The following CNBD1 variants were observed in gnomAD, a reference collection of about 807,000 sequenced individuals.
The protein encoded by CNBD1 is cyclic nucleotide-binding domain-containing protein 1.
CNBD1 carries 71 observed loss-of-function variants against 54.4 expected under a neutral mutation model. The ratio of observed to expected loss-of-function variants is 1.30; its 90% confidence interval spans 1.08 to 1.59. CNBD1 has a LOEUF of 1.59. Among genes scored for constraint, CNBD1 ranks in the 40% most tolerant of loss-of-function variants. The pLI, the probability that CNBD1 is intolerant of heterozygous loss-of-function variation, is 0.00. For missense variants in CNBD1, 659 were observed against 518.0 expected (o/e 1.27, Z -2.64); for synonymous variants, 182 against 170.7 (o/e 1.07, Z -0.51).
chr8:87,402,919 C>T (rs1357254527), intron 2 of CNBD1, among the ~76,000 whole-genome samples: 1 of 152,028 alleles, frequency 6.6e-6, no homozygotes, highest in Non-Finnish European at 1.5e-5. Context: ...GCTGTACAAG[C>T]ACACAAGCAT....
intron 8 of CNBD1, among the ~76,000 whole-genome samples, chr8:87,328,809 G>A (rs972531141): frequency 2.0e-5 from 3 of 151,922 alleles, no homozygotes; most frequent in Non-Finnish European, 4.4e-5. Context: ...CAGTGTGCAA[G>A]CCTTTCACTT....
intron 4 of CNBD1, among the ~76,000 whole-genome samples, chr8:86,949,398 C>T (rs1235738164): frequency 6.6e-6 from 1 of 152,028 alleles, no homozygotes; most frequent in African/African-American, 2.4e-5. Context: ...AATATCTTTC[C>T]ATTTTTGGTG....
chr8:87,308,843 A>T (rs1364923636), intron 8 of CNBD1, among the ~76,000 whole-genome samples: 1 of 152,080 alleles, frequency 6.6e-6, no homozygotes, highest in Non-Finnish European at 1.5e-5. Flanking sequence ...CATGCAATAT[A>T]TGTCTTTATG....
intron 4 of CNBD1, among the ~76,000 whole-genome samples, chr8:87,011,252 G>A (rs543834476): frequency 6.8e-6 from 1 of 147,734 alleles, no homozygotes; most frequent in African/African-American, 2.5e-5. Flanking sequence ...AGAATTCTCT[G>A]CTTAGATTGT....
rs182870647 is a variant in CNBD1 at position 87,302,352 on chromosome 8, G to A, written c.1042+15681G>A. ...GTTCAACATATGCAAATCAATGAAC[G>A]TAATCCAGCATAGAAACAGAACCAA... is the stretch of plus-strand genomic sequence containing the variant. On this transcript the variant is annotated intron_variant, in intron 8 of 10. Transcript: ENST00000518476. Among the ~76,000 whole-genome samples, 1,081 of 152,186 alleles carry A rather than the reference G, an allele frequency of 7.1e-3. 14 individuals carry two copies. Among genetic ancestry groups the A allele is most frequent in the African/African-American group, 0.024 (1,017 of 41,522 alleles).
intron 2 of CNBD1, among the ~76,000 whole-genome samples, chr8:86,889,611 G>A (rs1182413479): frequency 6.6e-6 from 1 of 152,202 alleles, no homozygotes; most frequent in Admixed American, 6.5e-5. Context: ...AATAAAGGCA[G>A]TAGGTTGGTA....
chr8:87,105,598 A>T (rs1017471185), intron 4 of CNBD1, among the ~76,000 whole-genome samples: 5 of 152,164 alleles, frequency 3.3e-5, no homozygotes, highest in African/African-American at 1.2e-4. Flanking sequence ...CCTGGAAAAG[A>T]CGTGGGCTTT....
chr8:87,420,621 C>A (rs1361571250), intron 2 of CNBD1, among the ~76,000 whole-genome samples: 1 of 152,080 alleles, frequency 6.6e-6, no homozygotes, highest in Non-Finnish European at 1.5e-5. Flanking sequence ...CAAATAAAAT[C>A]TACCTACTTA....
chr8:86,889,769 T>C (rs1000454080), intron 2 of CNBD1, among the ~76,000 whole-genome samples: 3 of 152,132 alleles, frequency 2.0e-5, no homozygotes, highest in African/African-American at 7.2e-5. Flanking sequence ...TTTTATTTAT[T>C]TTAGTGCTTC....
chr8:87,353,250 G>T (rs908319517), intron 9 of CNBD1, among the ~76,000 whole-genome samples: 2 of 152,012 alleles, frequency 1.3e-5, no homozygotes, highest in African/African-American at 4.8e-5. Context: ...CTTCCCTGTG[G>T]GTTCAACAAG....
intron 4 of CNBD1, among the ~76,000 whole-genome samples, chr8:87,162,099 G>A (rs916327192): frequency 1.8e-4 from 27 of 152,018 alleles, no homozygotes; most frequent in African/African-American, 6.5e-4. Context: ...CACATGCAAA[G>A]TCTTTCTAAA....
chr8:87,358,501 C>A (rs1426580905), intron 10 of CNBD1, among the ~76,000 whole-genome samples: 4 of 151,754 alleles, frequency 2.6e-5, no homozygotes, highest in Admixed American at 1.3e-4. Context: ...TGGTGCAAGG[C>A]AAATACACTG....
intron 2 of CNBD1, among the ~76,000 whole-genome samples, chr8:86,899,752 C>T (rs1808904656): frequency 6.6e-6 from 1 of 152,096 alleles, no homozygotes; most frequent in Admixed American, 6.6e-5. Flanking sequence ...GTAATAGTAA[C>T]ATGTGGCCTA....
chr8:87,282,303 G>T (rs1441487652), intron 6 of CNBD1, among the ~76,000 whole-genome samples: 1 of 151,340 alleles, frequency 6.6e-6, no homozygotes, highest in Admixed American at 6.6e-5. Flanking sequence ...TACCATATTA[G>T]TCATTCTAAA....
intron 4 of CNBD1, among the ~76,000 whole-genome samples, chr8:87,006,719 G>A (rs1051808938): frequency 2.0e-5 from 3 of 152,166 alleles, no homozygotes; most frequent in African/African-American, 7.2e-5. Context: ...AATTCAACAT[G>A]AGATCTGGGC....
At chr8:87,275,335 G>A (rs541978324) in intron 6 of CNBD1, among the ~76,000 whole-genome samples, 1 of 150,956 alleles carries the variant, frequency 6.6e-6, no homozygotes, top group Non-Finnish European at 1.5e-5. Flanking sequence ...GCTTGATGGG[G>A]ATAGCATTGA....
chr8:86,916,742 C>T (rs1380228727), intron 3 of CNBD1, among the ~76,000 whole-genome samples: 1 of 151,788 alleles, frequency 6.6e-6, no homozygotes, highest in Non-Finnish European at 1.5e-5. Flanking sequence ...CTCACTCTGT[C>T]ACCCAAGCTG....
Position 86,927,889 on chromosome 8 carries a change from C to T in CNBD1, c.273-11707C>T, listed in dbSNP as rs565016706. On this transcript the variant is annotated intron_variant, in intron 3 of 10. Transcript: ENST00000518476. ...GTCCTCCAATAATTCACAGGTGTATCGAGGCTGGTCTGGCTGATTTTGGGA... is the reference window on the plus strand; with the variant it reads ...GTCCTCCAATAATTCACAGGTGTATTGAGGCTGGTCTGGCTGATTTTGGGA... Among the ~76,000 whole-genome samples the T allele has an allele frequency of 4.6e-5, 7 of 152,112 alleles. No individual in the cohort carries two copies. The South Asian group carries it at 6.2e-4, about 14-fold the overall frequency.
intron 2 of CNBD1, among the ~76,000 whole-genome samples, chr8:87,423,111 T>C (rs1318447022): frequency 2.0e-5 from 3 of 152,144 alleles, no homozygotes; most frequent in Non-Finnish European, 4.4e-5. Context: ...TTGTGATTTT[T>C]GCACATTGAT....
Sources: allele counts gnomAD v4.1 joint callset (sites outside exome capture counted in the v4.1 genomes callset), GRCh38; gene constraint gnomAD v4.1.1; transcripts MANE v1.5; gene names NCBI Gene and HGNC (gene_info 2026-07-23, HGNC 2026-07-21).